The following PRKCE variants were observed in gnomAD, a reference collection of about 807,000 sequenced individuals.
PRKCE encodes protein kinase C epsilon type.
In PRKCE, 16 loss-of-function variants were observed where a neutral mutation model predicts 85.4. That is an observed-to-expected ratio of 0.19 (90% confidence interval 0.13 to 0.28). PRKCE has a LOEUF of 0.28. PRKCE is among the 10% of genes least tolerant of loss of function. The pLI, the probability that PRKCE is intolerant of heterozygous loss-of-function variation, is 1.00. For missense variants in PRKCE, 573 were observed against 975.2 expected, an observed-to-expected ratio of 0.59 and a Z score of 5.49; for synonymous variants, 388 against 371.5, an observed-to-expected ratio of 1.04 and a Z score of -0.51.
At chr2:45,978,800 G>A (rs961709832) in intron 3 of PRKCE, among the ~76,000 whole-genome samples, 176 bp from the exon 4 acceptor site, 5 of 152,212 alleles carry the variant, frequency 3.3e-5, no homozygotes, top group African/African-American at 1.2e-4. Context: ...CCCTCTGTGG[G>A]CTTCTGGAAG....
At chr2:45,726,972 A>G (rs1681126602) in intron 1 of PRKCE, among the ~76,000 whole-genome samples, 1 of 152,228 alleles carries the variant, frequency 6.6e-6, no homozygotes, top group Non-Finnish European at 1.5e-5. Context: ...TTAAAAATGT[A>G]TGCGAAGGCT....
chr2:45,805,879 G>A (rs578063748), intron 1 of PRKCE, among the ~76,000 whole-genome samples: 5 of 152,300 alleles, frequency 3.3e-5, no homozygotes, highest in East Asian at 1.9e-4. Context: ...GATTACAGGC[G>A]TGAGCCACCG....
At position 46,138,037 on chromosome 2, in the gene PRKCE, T is replaced by C. The variant is rs371104685; in HGVS notation, c.1593-7056T>C. 6.6e-6 allele frequency among the ~76,000 whole-genome samples: 1 copy of C among 152,214 alleles called. No individual in the cohort carries two copies. The highest frequency in any genetic ancestry group is 2.1e-4 in the South Asian group (1 of 4,826). ...ACTTTTTGTTTTTCCCCTGAGACTA[T>C]TACTGCTAGGACTTATTTCTTTCCT... On this transcript the variant is annotated intron_variant, in intron 11 of 14. Transcript: ENST00000306156. This position sits in a 1 kb window ranked among gnomAD's most constrained non-coding sequence, Gnocchi z 4.2.
intron 1 of PRKCE, among the ~76,000 whole-genome samples, chr2:45,657,991 A>G (rs770641669): frequency 1.3e-5 from 2 of 152,226 alleles, no homozygotes; most frequent in Non-Finnish European, 2.9e-5. Flanking sequence ...GCACTTTGAT[A>G]TATGTTACTC....
chr2:45,891,391 G>A (rs116606054), intron 2 of PRKCE, among the ~76,000 whole-genome samples: 1 of 152,146 alleles, frequency 6.6e-6, no homozygotes, highest in African/African-American at 2.4e-5. Flanking sequence ...AGCACACCCT[G>A]CCATGCCACA....
chr2:46,011,227 A>G (rs1705644359), intron 10 of PRKCE, among the ~76,000 whole-genome samples: 1 of 152,080 alleles, frequency 6.6e-6, no homozygotes, highest in Non-Finnish European at 1.5e-5. Context: ...TGTTTGTAGT[A>G]TTTTGCTTCT....
chr2:45,884,990 TATATA>T lies in PRKCE; in HGVS notation c.412+41928_412+41932del, dbSNP rs1200451418. Among the ~76,000 whole-genome samples the T allele has an allele frequency of 1.1e-3, 75 of 70,380 alleles. 3 individuals carry two copies. Among genetic ancestry groups the T allele is most frequent in the South Asian group, 8.4e-3 (7 of 838 alleles). The allele number at this position is 70,380 out of a possible 152,430, so 46.2% of individuals were successfully genotyped here. ...ATATATATATATATATATATATATA[TATATA>T]TATATATTTGTTGTTGTTGTTGTTG... On this transcript the variant is annotated intron_variant, in intron 2 of 14. Transcript: ENST00000306156.
At chr2:45,782,904 G>A (rs1006152876) in intron 1 of PRKCE, among the ~76,000 whole-genome samples, 2 of 152,108 alleles carry the variant, frequency 1.3e-5, no homozygotes, top group African/African-American at 2.4e-5. Flanking sequence ...AAGCAAACTG[G>A]GTTGGAGACA....
At chr2:45,721,358 A>G (rs1183129150) in intron 1 of PRKCE, among the ~76,000 whole-genome samples, 1 of 152,242 alleles carries the variant, frequency 6.6e-6, no homozygotes, top group Admixed American at 6.5e-5. Flanking sequence ...AAGTTACATA[A>G]CCCAGGACAA....
At chr2:45,928,359 G>A (rs1017326552) in intron 2 of PRKCE, among the ~76,000 whole-genome samples, 5 of 152,176 alleles carry the variant, frequency 3.3e-5, no homozygotes, top group African/African-American at 1.2e-4. Flanking sequence ...CCTCCGCCTC[G>A]CGGGTTGAAG....
chr2:45,938,645 T>C (rs906234741), intron 2 of PRKCE, among the ~76,000 whole-genome samples: 12 of 152,208 alleles, frequency 7.9e-5, no homozygotes, highest in Non-Finnish European at 1.2e-4. Flanking sequence ...CCCTTCTCTT[T>C]TGCCTAGATG....
intron 10 of PRKCE, among the ~76,000 whole-genome samples, chr2:46,074,428 CCAAAAAAA>C (rs1668355348): frequency 3.7e-5 from 1 of 26,692 alleles, no homozygotes; most frequent in African/African-American, 1.3e-4. Context: ...ACAACAACAA[CCAAAAAAA>C]AAAAAAAAAA....
intron 10 of PRKCE, among the ~76,000 whole-genome samples, chr2:46,058,424 C>T (rs1389658274): frequency 2.0e-5 from 3 of 152,070 alleles, no homozygotes; most frequent in Non-Finnish European, 4.4e-5. Flanking sequence ...GTTTAAACTG[C>T]CAAATATTTA....
chr2:45,710,360 C>A (rs1330208720), intron 1 of PRKCE, among the ~76,000 whole-genome samples: 1 of 152,206 alleles, frequency 6.6e-6, no homozygotes, highest in Non-Finnish European at 1.5e-5. Context: ...CCCTTGCCCA[C>A]TGAGGTACAC....
intron 14 of PRKCE, among the ~76,000 whole-genome samples, chr2:46,171,257 C>T (rs1462331379): frequency 6.6e-6 from 1 of 152,220 alleles, no homozygotes; most frequent in Non-Finnish European, 1.5e-5. Flanking sequence ...AGCCACACAG[C>T]ATTTTCTACA....
chr2:46,145,377 G>T lies in PRKCE; in HGVS notation c.1731+146G>T, dbSNP rs555968903. ...TCTAGGAAGGAGGGAGAAAAGGAAA[G>T]GAAAAAAGTTTGCTGATTGATGTCT... On this transcript the variant is annotated intron_variant, in intron 12 of 14. Coordinates refer to ENST00000306156, the MANE Select transcript of PRKCE (RefSeq NM_005400.3). This position sits in a 1 kb window ranked among gnomAD's most constrained non-coding sequence, Gnocchi z 4.6. 8.6e-7 allele frequency: 1 copy of T among 1,165,822 alleles called. No individual in the cohort carries two copies. The highest frequency in any genetic ancestry group is 1.5e-5 in the African/African-American group (1 of 65,172). 72.2% of individuals were successfully genotyped at this position (1,165,822 alleles called of 1,614,324 possible). A position where few individuals can be genotyped will look rare whatever the true frequency, so the allele number is the denominator to read the frequency against.
chr2:45,652,081 C>A lies in PRKCE; in HGVS notation c.-20C>A. On this transcript the variant is annotated 5_prime_UTR_variant, in exon 1 of 15. Transcript: ENST00000306156. The surrounding 1 kb of genome is among the most constrained non-coding windows in gnomAD (Gnocchi z 7.7). ...TCGGGGCAGACGGAGTGACCCCGGC[C>A]CCCACTCCCCGCCCCGACCATGGTA... 1 of 1,442,202 alleles carries A rather than the reference C, an allele frequency of 6.9e-7. No individual in the cohort carries two copies. Among genetic ancestry groups the A allele is most frequent in the Non-Finnish European group, 9.5e-7 (1 of 1,058,198 alleles). The allele number at this position is 1,442,202 out of a possible 1,614,324, so 89.3% of individuals were successfully genotyped here.
intron 1 of PRKCE, among the ~76,000 whole-genome samples, chr2:45,755,219 G>C (rs1683905238): frequency 6.6e-6 from 1 of 152,154 alleles, no homozygotes; most frequent in Non-Finnish European, 1.5e-5. Flanking sequence ...TATAATAATG[G>C]GCTGGTGCGT....
At chr2:45,826,916 C>T (rs1689985075) in intron 1 of PRKCE, among the ~76,000 whole-genome samples, 3 of 152,264 alleles carry the variant, frequency 2.0e-5, no homozygotes, top group African/African-American at 7.2e-5. Context: ...ACCATCATCA[C>T]TTGTCTGGAC....
Sources: gnomAD v4.1 joint callset for allele counts (sites outside exome capture counted in the v4.1 genomes callset) on GRCh38, gnomAD v4.1.1 for gene constraint, Gnocchi (gnomAD v3.1) non-coding constraint, MANE v1.5 for transcripts, NCBI Gene and HGNC (gene_info 2026-07-23, HGNC 2026-07-21) for gene names.